The following NEK7 variants were observed in gnomAD, a reference collection of about 807,000 sequenced individuals.
The protein encoded by NEK7 is NIMA related kinase 7, also known as serine/threonine-protein kinase Nek7.
NEK7 carries 18 observed loss-of-function variants against 44.6 expected under a neutral mutation model. The observed-to-expected ratio is 0.40, with a 90% CI of 0.28 to 0.60. The LOEUF is 0.60. NEK7 is among the 20% of genes least tolerant of loss of function. The pLI, the probability that NEK7 is intolerant of heterozygous loss-of-function variation, is 0.38. For missense variants in NEK7, 256 were observed against 366.5 expected (o/e 0.70, Z 2.46); for synonymous variants, 130 against 121.1 (o/e 1.07, Z -0.48).
intron 9 of NEK7, among the ~76,000 whole-genome samples, chr1:198,304,406 A>G (rs1654970899): frequency 6.6e-6 from 1 of 152,144 alleles, no homozygotes; most frequent in African/African-American, 2.4e-5. Flanking sequence ...TCCAAAATAT[A>G]ATGTACTTTA....
chr1:198,231,946 G>T (rs56888849), intron 1 of NEK7, among the ~76,000 whole-genome samples: 1 of 151,890 alleles, frequency 6.6e-6, no homozygotes, highest in Non-Finnish European at 1.5e-5. Context: ...GGAGTGTAAG[G>T]GCTGTGTGTC....
chr1:198,230,915 TAAATG>T (rs1034887971), intron 1 of NEK7, among the ~76,000 whole-genome samples: 23 of 151,872 alleles, frequency 1.5e-4, no homozygotes, highest in Non-Finnish European at 4.4e-5. Flanking sequence ...GAAAGAAACT[TAAATG>T]AGATAGTCTG....
intron 1 of NEK7, chr1:198,206,847 A>G (rs1008977247): frequency 5.3e-5 from 8 of 152,140 alleles, no homozygotes; most frequent in Admixed American, 2.6e-4. Flanking sequence ...GTTAATAACC[A>G]TAGGCATTTT....
intron 9 of NEK7, among the ~76,000 whole-genome samples, chr1:198,311,605 A>G (rs2103036159): frequency 6.6e-6 from 1 of 152,124 alleles, no homozygotes; most frequent in African/African-American, 2.4e-5. Flanking sequence ...ATTTTGAGAT[A>G]TGTCCCATCA....
rs1250725320 is a variant in NEK7 at position 198,218,673 on chromosome 1, CAA to C, written c.-28-13878_-28-13877del. On this transcript the variant is annotated intron_variant, in intron 1 of 9. Transcript: ENST00000367385. The stretch of plus-strand genomic sequence containing the variant: ...AAATATTTGCAAATTATGAACCCAA[CAA>C]AGGACTGATATGCGGAATATACAAA... Among the ~76,000 whole-genome samples the C allele has an allele frequency of 2.0e-5, 3 of 149,260 alleles. No homozygotes were observed. The South Asian group carries it at 6.4e-4, about 32-fold the overall frequency.
At chr1:198,208,643 A>G (rs1457700198) in intron 1 of NEK7, 1 of 152,178 alleles carries the variant, frequency 6.6e-6, no homozygotes, top group African/African-American at 2.4e-5. Flanking sequence ...ATGTGTGCAT[A>G]TTTCAGAATA....
chr1:198,312,130 T>C (rs1369789685), intron 9 of NEK7, among the ~76,000 whole-genome samples: 2 of 152,216 alleles, frequency 1.3e-5, no homozygotes, highest in Non-Finnish European at 2.9e-5. Context: ...GTTATTGGTT[T>C]ATTCAGAGAT....
chr1:198,259,171 A>C (rs936889023), intron 3 of NEK7, among the ~76,000 whole-genome samples: 6 of 152,198 alleles, frequency 3.9e-5, no homozygotes, highest in African/African-American at 1.4e-4. Flanking sequence ...ATTCTAAATT[A>C]ATTTTTATAA....
chr1:198,222,035 T>G (rs930653878), intron 1 of NEK7, among the ~76,000 whole-genome samples: 2 of 151,910 alleles, frequency 1.3e-5, no homozygotes, highest in Admixed American at 1.3e-4. Context: ...ATATGAATTA[T>G]GAAAATTCAG....
At chr1:198,309,135 A>G (rs1655099625) in intron 9 of NEK7, among the ~76,000 whole-genome samples, 2 of 152,160 alleles carry the variant, frequency 1.3e-5, no homozygotes. Context: ...CACGTAGCAA[A>G]CACAGTAATG....
At chr1:198,274,172 T>TTTTTTTTTTTTTTTTTTTTTTTTGAGACG (rs1653941868) in intron 5 of NEK7, among the ~76,000 whole-genome samples, 3 of 143,820 alleles carry the variant, frequency 2.1e-5, no homozygotes, top group African/African-American at 8.0e-5. Flanking sequence ...AGTTCTCTTA[T>TTTTTTTTTTTTTTTTTTTTTTTTGAGACG]GACTTCATTA....
intron 2 of NEK7, 46 bp from the exon 3 acceptor site, chr1:198,252,994 G>A (rs377034428): frequency 5.1e-5 from 78 of 1,526,850 alleles, no homozygotes; most frequent in African/African-American, 1.5e-4. Flanking sequence ...TGTGTATTGC[G>A]TGTATATTGT....
At chr1:198,164,049 T>C (rs1664189512) in intron 1 of NEK7, among the ~76,000 whole-genome samples, 1 of 152,074 alleles carries the variant, frequency 6.6e-6, no homozygotes, top group African/African-American at 2.4e-5. Context: ...GAGACCAGCC[T>C]TGGAAACATG....
intron 1 of NEK7, among the ~76,000 whole-genome samples, chr1:198,179,254 A>T (rs1664689928): frequency 6.6e-6 from 1 of 152,110 alleles, no homozygotes; most frequent in Non-Finnish European, 1.5e-5. Flanking sequence ...TTGGAAACCT[A>T]TCCTCATGTA....
chr1:198,245,650 A>G (rs766204905), intron 2 of NEK7, among the ~76,000 whole-genome samples: 1 of 152,198 alleles, frequency 6.6e-6, no homozygotes, highest in Non-Finnish European at 1.5e-5. Flanking sequence ...TGCAAAATTG[A>G]CTTGAAAAGC....
At chr1:198,250,404 C>T (rs1308446117) in intron 2 of NEK7, among the ~76,000 whole-genome samples, 1 of 152,036 alleles carries the variant, frequency 6.6e-6, no homozygotes, top group Non-Finnish European at 1.5e-5. Context: ...CAGTTTTTTC[C>T]AATTCTGTGA....
intron 1 of NEK7, among the ~76,000 whole-genome samples, chr1:198,160,545 G>T (rs1558035908): frequency 6.6e-6 from 1 of 152,094 alleles, no homozygotes; most frequent in African/African-American, 2.4e-5. Flanking sequence ...CGACTTAAGG[G>T]TGTCTTGGAA....
chr1:198,302,384 G>A (rs1381816587), intron 9 of NEK7, among the ~76,000 whole-genome samples: 2 of 149,460 alleles, frequency 1.3e-5, no homozygotes, highest in Admixed American at 1.3e-4. Flanking sequence ...TTAGAGAAAT[G>A]GAAGGCAGGA....
chr1:198,168,397 G>C (rs1298280731), intron 1 of NEK7, among the ~76,000 whole-genome samples: 3 of 152,168 alleles, frequency 2.0e-5, no homozygotes, highest in Non-Finnish European at 2.9e-5. Flanking sequence ...ACCATTCCTA[G>C]GCCTTTTTTG....
Sources: allele counts gnomAD v4.1 joint callset (sites outside exome capture counted in the v4.1 genomes callset), GRCh38; gene constraint gnomAD v4.1.1; transcripts MANE v1.5; gene names NCBI Gene and HGNC (gene_info 2026-07-23, HGNC 2026-07-21).